Variants in ZC3H12D observed in about 807,000 individuals in gnomAD.
The protein encoded by ZC3H12D is probable ribonuclease ZC3H12D.
ZC3H12D carries 11 observed loss-of-function variants against 24.2 expected under a neutral mutation model. The ratio of observed to expected loss-of-function variants is 0.46; its 90% CI spans 0.29 to 0.75. The LOEUF (loss-of-function observed/expected upper bound fraction) is 0.75. Ranked by LOEUF, ZC3H12D falls within the 30% of genes least tolerant of loss-of-function variation. ZC3H12D has a pLI of 0.11. For missense variants in ZC3H12D, 740 were observed against 767.7 expected (o/e 0.96, Z 0.43); for synonymous variants, 333 against 341.8 (o/e 0.97, Z 0.28).
chr6:149,451,224 C>A lies in ZC3H12D; in HGVS notation c.1043G>T (p.Arg348Leu). ...CCCCAGGTCGTCGCTGAAGGCCAGCCGAGAGAAGCTCCCTCGCAGGGCGGC... is the reference window on the plus strand; with the variant it reads ...CCCCAGGTCGTCGCTGAAGGCCAGCAGAGAGAAGCTCCCTCGCAGGGCGGC... Reference protein sequence around the residue: ...DLAALRGSFSRLAFSDDLGPL... With the variant: ...DLAALRGSFSLLAFSDDLGPL... Residue 348 changes from arginine to leucine, a missense_variant, in exon 6 of 6, where the codon CGG (arginine) becomes CTG (leucine). Transcript: ENST00000409806. The A allele has an allele frequency of 7.7e-7, 1 of 1,304,116 alleles. No homozygotes were observed. The highest frequency in any genetic ancestry group is 3.1e-5 in the East Asian group (1 of 31,916). The allele number at this position is 1,304,116 out of a possible 1,614,324, so 80.8% of individuals were successfully genotyped here.
chr6:149,458,112 T>TCG (rs1491459005), intron 3 of ZC3H12D, among the ~76,000 whole-genome samples: 2,818 of 52,558 alleles, frequency 0.054, 107 homozygotes, highest in African/African-American at 0.34. Flanking sequence ...TTTCTTTTTC[T>TCG]TTTTTTTTTT....
intron 2 of ZC3H12D, 105 bp from the exon 3 acceptor site, chr6:149,462,075 G>T: frequency 7.1e-7 from 1 of 1,403,982 alleles, no homozygotes; most frequent in Non-Finnish European, 9.5e-7. Flanking sequence ...GAGGGAACCA[G>T]GAAAATCTAT....
intron 4 of ZC3H12D, among the ~76,000 whole-genome samples, chr6:149,454,105 C>A (rs1289291144): frequency 6.6e-6 from 1 of 152,188 alleles, no homozygotes; most frequent in Admixed American, 6.5e-5. Flanking sequence ...CTCCTCTGCG[C>A]ACCCTGGGGG....
At chr6:149,482,469 T>A (rs1338088206) in intron 1 of ZC3H12D, among the ~76,000 whole-genome samples, 1 of 152,186 alleles carries the variant, frequency 6.6e-6, no homozygotes, top group African/African-American at 2.4e-5. Context: ...TAGAAAATCC[T>A]CCAAGTGGCC....
intron 2 of ZC3H12D, among the ~76,000 whole-genome samples, chr6:149,464,443 C>T (rs1776120636): frequency 6.6e-6 from 1 of 152,154 alleles, no homozygotes. Flanking sequence ...CACTCCACAT[C>T]CTCTTCCGCC....
Position 149,452,604 on chromosome 6 carries a change from G to A in ZC3H12D, c.787+12C>T, listed in dbSNP as rs763587368. ...CCTGAACAGGGCCTGCGAAGCACTG[G>A]GCCCTACCCACCATAAGGACAATGC... On this transcript the variant is annotated intron_variant, in intron 5 of 5. Coordinates refer to ENST00000409806, the MANE Select transcript of ZC3H12D (RefSeq NM_207360.3). This position sits in a 1 kb window ranked among gnomAD's most constrained non-coding sequence, Gnocchi z 4.0. 1.3e-6 allele frequency: 2 copies of A among 1,547,700 alleles called. No homozygotes were observed. Among genetic ancestry groups the A allele is most frequent in the Non-Finnish European group, 1.7e-6 (2 of 1,149,740 alleles).
At chr6:149,480,332 T>A (rs1008122711) in intron 1 of ZC3H12D, among the ~76,000 whole-genome samples, 1 of 152,242 alleles carries the variant, frequency 6.6e-6, no homozygotes, top group Non-Finnish European at 1.5e-5. Flanking sequence ...AACAAAATCA[T>A]GTCCTTTGCA....
intron 1 of ZC3H12D, among the ~76,000 whole-genome samples, chr6:149,480,511 TC>T (rs1776407522): frequency 6.6e-6 from 1 of 152,192 alleles, no homozygotes; most frequent in African/African-American, 2.4e-5. Flanking sequence ...ATGCCTGTAA[TC>T]CCAGCACTTT....
At chr6:149,473,998 T>A (rs1317670949) in intron 2 of ZC3H12D, among the ~76,000 whole-genome samples, 1 of 152,204 alleles carries the variant, frequency 6.6e-6, no homozygotes, top group East Asian at 1.9e-4. Flanking sequence ...CCTAGGCATT[T>A]TGTGCACAAA....
At chr6:149,457,159 C>T (rs749744526) in intron 3 of ZC3H12D, among the ~76,000 whole-genome samples, 1 of 152,246 alleles carries the variant, frequency 6.6e-6, no homozygotes, top group Non-Finnish European at 1.5e-5. Context: ...GAAAGCGATA[C>T]TCTACAAGGG....
At chr6:149,453,945 A>G (rs60977073) in intron 4 of ZC3H12D, among the ~76,000 whole-genome samples, 6,460 of 152,204 alleles carry the variant, frequency 0.042, 312 homozygotes, top group South Asian at 0.12. Flanking sequence ...CTTAGGTCCC[A>G]TTTCTCCTGT....
intron 2 of ZC3H12D, among the ~76,000 whole-genome samples, chr6:149,468,870 T>C (rs1776201687): frequency 1.3e-5 from 2 of 152,148 alleles, no homozygotes; most frequent in African/African-American, 2.4e-5. Flanking sequence ...CTGAGAGGTA[T>C]GATTTCAAGC....
chr6:149,468,212 C>T (rs1290547112), intron 2 of ZC3H12D, among the ~76,000 whole-genome samples: 2 of 151,776 alleles, frequency 1.3e-5, no homozygotes, highest in African/African-American at 4.9e-5. Context: ...AACTCCTGAC[C>T]TCAGGTGATT....
chr6:149,451,470 C>T lies in ZC3H12D; in HGVS notation c.797G>A (p.Cys266Tyr), dbSNP rs547498046. ...SWQHCPYGKK[C>Y]TYGIKCKFYH... Reference sequence around the variant, plus strand: ...GAACTTGCACTTGATGCCATAGGTGCATTTCTTGCCTGAAAGGGGCGGGGG... The same window carrying T: ...GAACTTGCACTTGATGCCATAGGTGTATTTCTTGCCTGAAAGGGGCGGGGG... Residue 266 changes from cysteine to tyrosine, a missense_variant, in exon 6 of 6, where the codon TGC becomes TAC. Coordinates refer to ENST00000409806, the MANE Select transcript of ZC3H12D (RefSeq NM_207360.3). 3.9e-5 allele frequency: 62 copies of T among 1,569,790 alleles called. 1 individual carries two copies. The South Asian group carries it at 6.3e-4, about 16-fold the overall frequency.
At chr6:149,479,027 A>G (rs1184963122) in intron 1 of ZC3H12D, among the ~76,000 whole-genome samples, 1 of 152,192 alleles carries the variant, frequency 6.6e-6, no homozygotes, top group Non-Finnish European at 1.5e-5. Flanking sequence ...CCCCTTCTCT[A>G]GAGCCATGCT....
intron 2 of ZC3H12D, among the ~76,000 whole-genome samples, chr6:149,464,611 T>C (rs1485329745): frequency 6.6e-6 from 1 of 152,214 alleles, no homozygotes; most frequent in African/African-American, 2.4e-5. Context: ...GTCTCCCTTC[T>C]TTAAACCGTG....
At chr6:149,464,708 C>T (rs1405676495) in intron 2 of ZC3H12D, among the ~76,000 whole-genome samples, 1 of 152,150 alleles carries the variant, frequency 6.6e-6, no homozygotes, top group Non-Finnish European at 1.5e-5. Context: ...GTTGAATAAA[C>T]GAATGGCTGA....
intron 1 of ZC3H12D, among the ~76,000 whole-genome samples, chr6:149,476,159 A>C (rs1019924271): frequency 6.6e-6 from 1 of 152,194 alleles, no homozygotes; most frequent in African/African-American, 2.4e-5. Flanking sequence ...TTAGTTTTAC[A>C]CAAATGGTGT....
At chr6:149,465,641 G>A (rs570027478) in intron 2 of ZC3H12D, among the ~76,000 whole-genome samples, 6 of 151,916 alleles carry the variant, frequency 3.9e-5, no homozygotes, top group Non-Finnish European at 8.8e-5. Context: ...TGTAGTTCCA[G>A]CTACTCGGGA....
Sources: allele counts gnomAD v4.1 joint callset (sites outside exome capture counted in the v4.1 genomes callset), GRCh38; gene constraint gnomAD v4.1.1; non-coding constraint Gnocchi (gnomAD v3.1); transcripts MANE v1.5; gene names NCBI Gene and HGNC (gene_info 2026-07-23, HGNC 2026-07-21).